The following CCL26 variants were observed in gnomAD, a reference collection of about 807,000 sequenced individuals.
CCL26 encodes the protein C-C motif chemokine ligand 26.
A neutral mutation model predicts 10.7 loss-of-function variants in CCL26; 10 were observed. The ratio of observed to expected loss-of-function variants is 0.93; its 90% CI spans 0.57 to 1.58. The LOEUF is 1.58. CCL26 is among the 40% of genes most tolerant of loss of function. The probability of loss-of-function intolerance (pLI) is 0.00; values close to 1 mark genes in which losing one functional copy is unlikely to be tolerated. For synonymous variants in CCL26, 43 were observed against 41.4 expected, an observed-to-expected ratio of 1.04 and a Z score of -0.15; for missense variants, 116 against 111.0, an observed-to-expected ratio of 1.05 and a Z score of -0.20.
upstream of CCL26, among the ~76,000 whole-genome samples, chr7:75,773,656 G>A (rs1280315926): frequency 1.3e-5 from 2 of 151,768 alleles, no homozygotes; most frequent in Admixed American, 6.6e-5. Flanking sequence ...CAGGGGGATC[G>A]TCTGAGGTCA....
At position 75,769,647 on chromosome 7, in the gene CCL26, A is replaced by C; in HGVS notation, c.*46T>G. 1 of 1,292,132 alleles carries C rather than the reference A, an allele frequency of 7.7e-7. No homozygotes were observed. The highest frequency in any genetic ancestry group is 1.1e-6 in the Non-Finnish European group (1 of 887,330). The allele number at this position is 1,292,132 out of a possible 1,614,324, so 80.0% of individuals were successfully genotyped here. ...CCGCAGGCTCCCCAGAGGGCTGCAG[A>C]GCCAAGAGCGGGGTCCAAGCGTCCT... is the stretch of plus-strand genomic sequence containing the variant. On this transcript the variant is annotated 3_prime_UTR_variant, in exon 3 of 3. Coordinates refer to ENST00000005180, the MANE Select transcript of CCL26 (RefSeq NM_001371938.1).
chr7:75,772,059 C>G (rs561973659), intron 1 of CCL26, 45 bp downstream of exon 1: 5 of 1,603,666 alleles, frequency 3.1e-6, no homozygotes, highest in Non-Finnish European at 4.3e-6. Context: ...CACTCCCAGG[C>G]GGTCCGGGAA....
intron 1 of CCL26, among the ~76,000 whole-genome samples, chr7:75,788,930 T>C (rs572198080): frequency 7.2e-5 from 11 of 152,032 alleles, no homozygotes; most frequent in Admixed American, 2.0e-4. Context: ...TCTCTTTTTC[T>C]TGTTTTTTAA....
upstream of CCL26, among the ~76,000 whole-genome samples, chr7:75,790,218 T>TCTTTCTTTCTTTCTTTCTTTCTTCCTTC (rs1554530641): frequency 1.0e-3 from 69 of 66,796 alleles, no homozygotes; most frequent in East Asian, 2.7e-3. Context: ...TTTCTTTCTT[T>TCTTTCTTTCTTTCTTTCTTTCTTCCTTC]CTTCCTTCCT....
chr7:75,776,635 G>T (rs1802948679), upstream of CCL26, among the ~76,000 whole-genome samples: 1 of 151,964 alleles, frequency 6.6e-6, no homozygotes, highest in Non-Finnish European at 1.5e-5. Flanking sequence ...AAAAAAGAAA[G>T]ATAATGGCTG....
At chr7:75,776,323 C>T (rs564327697), upstream of CCL26, among the ~76,000 whole-genome samples, 169 of 151,710 alleles carry the variant, frequency 1.1e-3, no homozygotes, top group African/African-American at 3.8e-3. Context: ...TCACCTGCCT[C>T]GGTCTCCCAA....
intron 2 of CCL26, 43 bp downstream of exon 2, chr7:75,771,846 A>G: frequency 7.7e-7 from 1 of 1,300,010 alleles, no homozygotes; most frequent in Non-Finnish European, 1.1e-6. Flanking sequence ...ATCCTGTTGC[A>G]TGACTGATGG....
upstream of CCL26, among the ~76,000 whole-genome samples, chr7:75,774,475 C>G (rs1354913084): frequency 2.0e-5 from 3 of 151,630 alleles, no homozygotes; most frequent in African/African-American, 7.3e-5. Context: ...GAGACAGAGT[C>G]TTGCTCTGTC....
At chr7:75,789,308 G>A (rs1554530440) in intron 1 of CCL26, among the ~76,000 whole-genome samples, 1 of 151,740 alleles carries the variant, frequency 6.6e-6, no homozygotes, top group Admixed American at 6.6e-5. Flanking sequence ...AAATGATATG[G>A]CGAATAAACA....
chr7:75,779,194 CT>C (rs772026245), intron 1 of CCL26, among the ~76,000 whole-genome samples: 285 of 152,248 alleles, frequency 1.9e-3, no homozygotes, highest in Non-Finnish European at 2.8e-3. Flanking sequence ...AGCCCCACCC[CT>C]ATCTCCCTTC....
upstream of CCL26, among the ~76,000 whole-genome samples, chr7:75,775,722 C>A (rs1802922478): frequency 6.6e-6 from 1 of 152,180 alleles, no homozygotes; most frequent in African/African-American, 2.4e-5. Flanking sequence ...CAGGAAGTGG[C>A]CTTTGGTTTA....
intron 1 of CCL26, among the ~76,000 whole-genome samples, chr7:75,778,863 A>G (rs1803000404): frequency 6.6e-6 from 1 of 151,870 alleles, no homozygotes; most frequent in Admixed American, 6.6e-5. Flanking sequence ...GGGGCAGATC[A>G]CTAGGTCAGG....
upstream of CCL26, among the ~76,000 whole-genome samples, chr7:75,773,025 C>G (rs1180013577): frequency 6.6e-6 from 1 of 152,130 alleles, no homozygotes; most frequent in South Asian, 2.1e-4. Flanking sequence ...AGCCCAACCT[C>G]GACAATGGAT....
chr7:75,779,726 C>T (rs111699437), intron 1 of CCL26, among the ~76,000 whole-genome samples: 27 of 152,344 alleles, frequency 1.8e-4, no homozygotes, highest in African/African-American at 6.0e-4. Flanking sequence ...TGTCTGATCA[C>T]CGCAGTGACG....
At position 75,769,709 on chromosome 7, in the gene CCL26, G is replaced by A; in HGVS notation, c.269C>T (p.Thr90Ile). Reference protein sequence around the residue: ...WVQKYISLLKTPKQL With the variant: ...WVQKYISLLKIPKQL ...TCAGCTGAGTCACAATTGTTTCGGA[G>A]TTTTCAGTAAAGAAATGTATTTTTG... Residue 90 changes from threonine (T) to isoleucine (I), a missense_variant, in exon 3 of 3, where the codon ACT (threonine) becomes ATT (isoleucine). Physicochemically the swap from Thr to Ile is moderately conservative, Grantham distance 89 (BLOSUM62 -1). Transcript: ENST00000005180. 6.2e-7 allele frequency: 1 copy of A among 1,610,040 alleles called. No individual in the cohort carries two copies. Among genetic ancestry groups the A allele is most frequent in the Non-Finnish European group, 8.5e-7 (1 of 1,176,240 alleles).
chr7:75,790,787 T>C (rs553018168), upstream of CCL26, among the ~76,000 whole-genome samples: 16 of 151,786 alleles, frequency 1.1e-4, no homozygotes, highest in Non-Finnish European at 2.2e-4. Flanking sequence ...CTATTAAAAA[T>C]ACAAAAATTA....
At chr7:75,772,956 C>G (rs1313358946), upstream of CCL26, among the ~76,000 whole-genome samples, 4 of 152,148 alleles carry the variant, frequency 2.6e-5, no homozygotes, top group African/African-American at 7.2e-5. Context: ...TGTTTCCTTT[C>G]TAAGCATTGC....
intron 1 of CCL26, among the ~76,000 whole-genome samples, chr7:75,789,096 ATTTT>A (rs527793902): frequency 2.7e-5 from 3 of 110,882 alleles, no homozygotes; most frequent in African/African-American, 1.0e-4. Flanking sequence ...TCATTTTTTG[ATTTT>A]TTTTTTTTTT....
chr7:75,772,525 C>T (rs569005187), upstream of CCL26, among the ~76,000 whole-genome samples: 23 of 152,042 alleles, frequency 1.5e-4, no homozygotes, highest in South Asian at 2.1e-3. Context: ...GGCATGGTGG[C>T]AGGCAACTGT....
Sources: allele counts gnomAD v4.1 joint callset (sites outside exome capture counted in the v4.1 genomes callset), GRCh38; gene constraint gnomAD v4.1.1; transcripts MANE v1.5; gene names NCBI Gene and HGNC (gene_info 2026-07-23, HGNC 2026-07-21).